Variants in XXYLT1 observed in about 807,000 individuals in gnomAD.
The protein encoded by XXYLT1 is xyloside xylosyltransferase 1.
XXYLT1 carries 20 observed loss-of-function variants against 28.9 expected under a neutral mutation model. That is an observed-to-expected ratio of 0.69 (90% confidence interval 0.49 to 1.00). XXYLT1 has a LOEUF of 1.00. Among genes scored for constraint, XXYLT1 ranks in the 50% least tolerant of loss-of-function variants. The pLI is 0.00. For synonymous variants in XXYLT1, 257 were observed against 253.8 expected, an observed-to-expected ratio of 1.01 and a Z score of -0.12; for missense variants, 542 against 560.1, an observed-to-expected ratio of 0.97 and a Z score of 0.33.
chr3:195,193,901 T>G (rs528632871), intron 2 of XXYLT1, among the ~76,000 whole-genome samples: 1 of 152,092 alleles, frequency 6.6e-6, no homozygotes, highest in Admixed American at 6.5e-5. Flanking sequence ...AAAAATTAAC[T>G]CAAAATGGAT....
chr3:195,266,750 TC>T (rs1205005162), intron 1 of XXYLT1, among the ~76,000 whole-genome samples: 1 of 152,146 alleles, frequency 6.6e-6, no homozygotes, highest in African/African-American at 2.4e-5. Flanking sequence ...CAAGCCTGCC[TC>T]TGTAACTCCA....
At chr3:195,107,646 A>AGGAGGAGGG (rs1717220652) in intron 3 of XXYLT1, among the ~76,000 whole-genome samples, 1 of 6,160 alleles carries the variant, frequency 1.6e-4, no homozygotes. Flanking sequence ...GAGGAGGAGG[A>AGGAGGAGGG]GGAGGAGGAG....
At chr3:195,197,753 C>T (rs182374033) in intron 2 of XXYLT1, among the ~76,000 whole-genome samples, 13 of 152,360 alleles carry the variant, frequency 8.5e-5, no homozygotes, top group African/African-American at 2.6e-4. Context: ...CTTCACATTG[C>T]TAAATCTAGT....
intron 3 of XXYLT1, among the ~76,000 whole-genome samples, chr3:195,110,879 G>GT (rs1179567231): frequency 2.1e-5 from 1 of 48,208 alleles, no homozygotes; most frequent in East Asian, 2.9e-4. Context: ...GGTGTGTGGT[G>GT]TATGTGTGCG....
rs544838088 is a variant in XXYLT1 at position 195,113,301 on chromosome 3, A to G, written c.785+43148T>C. On this transcript the variant is annotated intron_variant, in intron 3 of 3. Transcript: ENST00000310380. ...GCTCGGAAAAACGCCAGTTTCTGAC[A>G]CTATCTTCGACAAGCCAGGGAGTTG... Among the ~76,000 whole-genome samples, 15 of 152,348 alleles carry G rather than the reference A, an allele frequency of 9.8e-5. No homozygotes were observed. The South Asian group carries it at 3.1e-3, about 32-fold the overall frequency.
intron 3 of XXYLT1, among the ~76,000 whole-genome samples, chr3:195,126,139 C>CT (rs61126119): frequency 0.36 from 54,643 of 152,138 alleles, 11,092 homozygotes; most frequent in East Asian, 0.82. Context: ...GTGCAGTTTT[C>CT]TTTTCTTTAG....
At chr3:195,221,896 C>A (rs2108795907) in intron 2 of XXYLT1, among the ~76,000 whole-genome samples, 1 of 152,262 alleles carries the variant, frequency 6.6e-6, no homozygotes, top group Non-Finnish European at 1.5e-5. Context: ...AGCAGCGAGA[C>A]CAGCCGCATG....
chr3:195,243,104 G>A (rs950887007), intron 1 of XXYLT1, among the ~76,000 whole-genome samples: 4 of 152,096 alleles, frequency 2.6e-5, no homozygotes, highest in East Asian at 1.9e-4. Context: ...GCAAACTATC[G>A]CAAGGACAGA....
chr3:195,075,921 G>C (rs1229384917), intron 3 of XXYLT1, among the ~76,000 whole-genome samples: 2 of 152,062 alleles, frequency 1.3e-5, no homozygotes, highest in African/African-American at 2.4e-5. Flanking sequence ...GCTGCAACCA[G>C]GCTGCCTGGC....
chr3:195,173,208 G>C lies in XXYLT1; in HGVS notation c.653-16627C>G, dbSNP rs1404611596. Among the ~76,000 whole-genome samples the C allele has an allele frequency of 6.6e-6, 1 of 152,200 alleles. No homozygotes were observed. Among genetic ancestry groups the C allele is most frequent in the Non-Finnish European group, 1.5e-5 (1 of 68,034 alleles). On this transcript the variant is annotated intron_variant, in intron 2 of 3. Coordinates refer to ENST00000310380, the MANE Select transcript of XXYLT1 (RefSeq NM_152531.5). This position sits in a 1 kb window ranked among gnomAD's most constrained non-coding sequence, Gnocchi z 4.3. ...AGATGTCATAGAGCTCTCCCACTAG[G>C]GAACCGCATCTCCCCTGCATTTTAG...
At chr3:195,135,801 C>T (rs751085327) in intron 3 of XXYLT1, among the ~76,000 whole-genome samples, 20 of 152,078 alleles carry the variant, frequency 1.3e-4, no homozygotes, top group Non-Finnish European at 2.4e-4. Flanking sequence ...AATGGATGGA[C>T]GGATGGACAG....
chr3:195,269,117 G>A (rs1243921371), intron 1 of XXYLT1, among the ~76,000 whole-genome samples: 1 of 152,256 alleles, frequency 6.6e-6, no homozygotes, highest in Non-Finnish European at 1.5e-5. Context: ...CGCTGCAGCG[G>A]GAGCTGGGGA....
At chr3:195,236,750 A>AT (rs1724564757) in intron 1 of XXYLT1, among the ~76,000 whole-genome samples, 1 of 151,996 alleles carries the variant, frequency 6.6e-6, no homozygotes, top group Admixed American at 6.6e-5. Flanking sequence ...GGCCCATGGT[A>AT]TGTACTACCT....
chr3:195,252,309 T>C (rs1232158370), intron 1 of XXYLT1, among the ~76,000 whole-genome samples: 4 of 152,222 alleles, frequency 2.6e-5, no homozygotes, highest in Non-Finnish European at 4.4e-5. Flanking sequence ...TTTAGCTACG[T>C]CTATAATATT....
At chr3:195,229,487 C>A (rs58113840) in intron 1 of XXYLT1, among the ~76,000 whole-genome samples, 1 of 152,180 alleles carries the variant, frequency 6.6e-6, no homozygotes, top group African/African-American at 2.4e-5. Flanking sequence ...TCTTACTCAC[C>A]CTTTGCCAAT....
intron 2 of XXYLT1, among the ~76,000 whole-genome samples, chr3:195,181,324 C>A (rs1721944816): frequency 6.6e-6 from 1 of 152,174 alleles, no homozygotes; most frequent in South Asian, 2.1e-4. Flanking sequence ...GTTTTGCCAC[C>A]AGGCGTGCCT....
intron 2 of XXYLT1, among the ~76,000 whole-genome samples, chr3:195,216,689 G>C (rs1365000776): frequency 1.3e-5 from 2 of 151,364 alleles, no homozygotes; most frequent in East Asian, 3.9e-4. Context: ...CAATCAAAAA[G>C]AGTCCAGCAC....
chr3:195,106,029 A>G (rs1161124243), intron 3 of XXYLT1, among the ~76,000 whole-genome samples: 1 of 152,308 alleles, frequency 6.6e-6, no homozygotes, highest in East Asian at 1.9e-4. Context: ...TGACTTGAAC[A>G]CCATAGGTAT....
chr3:195,130,892 G>T (rs1718871103), intron 3 of XXYLT1, among the ~76,000 whole-genome samples: 1 of 152,090 alleles, frequency 6.6e-6, no homozygotes, highest in African/African-American at 2.4e-5. Context: ...ACCAACTGCG[G>T]CTTTGTCCCA....
Sources: gnomAD v4.1 joint callset for allele counts (sites outside exome capture counted in the v4.1 genomes callset) on GRCh38, gnomAD v4.1.1 for gene constraint, Gnocchi (gnomAD v3.1) non-coding constraint, MANE v1.5 for transcripts, NCBI Gene and HGNC (gene_info 2026-07-23, HGNC 2026-07-21) for gene names.